The following BBS2 variants were observed in gnomAD, a reference collection of about 807,000 sequenced individuals.
BBS2 encodes the protein Bardet-Biedl syndrome 2.
A neutral mutation model predicts 83.0 loss-of-function variants in BBS2; 62 were observed. The ratio of observed to expected loss-of-function variants is 0.75; its 90% CI spans 0.61 to 0.92. BBS2 has a LOEUF of 0.92. Ranked by LOEUF, BBS2 falls within the 40% of genes least tolerant of loss-of-function variation. BBS2 has a pLI of 0.00. For synonymous variants in BBS2, 303 were observed against 326.1 expected (o/e 0.93, Z 0.76); for missense variants, 784 against 901.0 (o/e 0.87, Z 1.66).
At chr16:56,473,699 C>G (rs1211569412) in intron 17 of BBS2, among the ~76,000 whole-genome samples, 2 of 151,202 alleles carry the variant, frequency 1.3e-5, no homozygotes, top group African/African-American at 4.9e-5. Context: ...CTATTGGTTA[C>G]TTGATTTTTT....
Position 56,514,738 on chromosome 16 carries a change from T to A in BBS2, c.118-58A>T. The A allele has an allele frequency of 3.7e-6, 5 of 1,341,044 alleles. No individual in the cohort carries two copies. In the East Asian group the frequency reaches 1.3e-4, roughly 34 times the overall value. 83.1% of individuals were successfully genotyped at this position (1,341,044 alleles called of 1,614,324 possible). ...AAATATAAAAAATTAGTATCATACA[T>A]TTTTTTAAAAAAGAACCAGGTTATT... On this transcript the variant is annotated intron_variant, in intron 1 of 16. Coordinates refer to ENST00000245157, the MANE Select transcript of BBS2 (RefSeq NM_031885.5).
intron 7 of BBS2, among the ~76,000 whole-genome samples, chr16:56,504,433 T>G (rs1329320994): frequency 1.3e-5 from 2 of 152,244 alleles, no homozygotes; most frequent in Non-Finnish European, 2.9e-5. Flanking sequence ...GGTTTTACCC[T>G]GAAAGGAAAG....
chr16:56,502,215 AC>A, intron 9 of BBS2, 101 bp downstream of exon 9: 1 of 1,514,700 alleles, frequency 6.6e-7, no homozygotes, highest in South Asian at 1.1e-5. Context: ...AAAAGGCCAC[AC>A]CCTGGCAATG....
rs182338300 is a variant in BBS2 at position 56,489,672 on chromosome 16, T to C, written c.1911-3934A>G. 2.0e-4 allele frequency among the ~76,000 whole-genome samples: 31 copies of C among 152,112 alleles called. No individual in the cohort carries two copies. In the East Asian group the frequency reaches 5.0e-3, roughly 25 times the overall value. On this transcript the variant is annotated intron_variant, in intron 15 of 16. Transcript: ENST00000245157. Reference sequence around the variant, plus strand: ...AAAATTAGCTGGGCATGGTGGCGCATGCCTGTAATCCCAGCTACTCGGGAG... The same window carrying C: ...AAAATTAGCTGGGCATGGTGGCGCACGCCTGTAATCCCAGCTACTCGGGAG...
chr16:56,513,166 A>C (rs1373040703), intron 2 of BBS2, among the ~76,000 whole-genome samples: 1 of 152,178 alleles, frequency 6.6e-6, no homozygotes, highest in Admixed American at 6.5e-5. Flanking sequence ...AACAAAAACA[A>C]AAAGAAAGAA....
chr16:56,499,819 T>G lies in BBS2; in HGVS notation c.1486A>C (p.Ile496Leu), dbSNP rs549070573. 6.2e-7 allele frequency: 1 copy of G among 1,614,196 alleles called. No individual in the cohort carries two copies. Among genetic ancestry groups the G allele is most frequent in the South Asian group, 1.1e-5 (1 of 91,080 alleles). The change falls in exon 12 of 17, where the codon ATC becomes CTC. Residue 496 changes from isoleucine (I) to leucine (L), a missense_variant. Physicochemically the swap from Ile to Leu is conservative, Grantham distance 5. Transcript: ENST00000245157. ...LTSLDPASEP[I>L]SYVNFTIAER... is the part of the protein sequence containing the mutation. ...GCAATGGTAAAGTTAACATAACTGA[T>G]TGGCTCACTGGCAGGGTCCAGGCTG... is the stretch of plus-strand genomic sequence containing the variant.
At chr16:56,502,611 A>G (rs541408557) in intron 8 of BBS2, 62 bp downstream of exon 8, 2 of 1,613,086 alleles carry the variant, frequency 1.2e-6, no homozygotes, top group South Asian at 2.2e-5. Context: ...AAATTTCCTG[A>G]TATTTTGACC....
intron 9 of BBS2, 128 bp downstream of exon 9, chr16:56,502,189 A>C (rs1964294432): frequency 7.9e-7 from 1 of 1,268,330 alleles, no homozygotes; most frequent in Non-Finnish European, 1.2e-6. Context: ...ATCCCCTCTC[A>C]ATTCTGACAA....
chr16:56,502,874 A>G (rs1416360287), intron 7 of BBS2, 66 bp from the exon 8 acceptor site: 2 of 1,580,878 alleles, frequency 1.3e-6, no homozygotes, highest in East Asian at 2.3e-5. Context: ...AAATTTAAAA[A>G]TAAAAATCAG....
intron 15 of BBS2, among the ~76,000 whole-genome samples, chr16:56,488,800 T>A (rs1373677162): frequency 6.6e-6 from 1 of 151,582 alleles, no homozygotes; most frequent in African/African-American, 2.4e-5. Context: ...CTGACCCCTA[T>A]CCTGAAGCTA....
At position 56,499,847 on chromosome 16, in the gene BBS2, C is replaced by T. The variant is rs756379392; in HGVS notation, c.1458G>A (p.Leu486=). Residue 486 remains leucine (L), a synonymous_variant, in exon 12 of 17, where the codon CTG becomes CTA. Coordinates refer to ENST00000245157, the MANE Select transcript of BBS2 (RefSeq NM_031885.5). ...GCTCACTGGCAGGGTCCAGGCTGGT[C>T]AGCGCATACATGGAGAATCGAGGGA... ...RQLPRFSMYA[L]TSLDPASEPI... 3.1e-6 allele frequency: 5 copies of T among 1,614,056 alleles called. No individual in the cohort carries two copies. In the Admixed American group the frequency reaches 8.3e-5, roughly 27 times the overall value.
At chr16:56,508,534 C>T (rs1382632625) in intron 5 of BBS2, among the ~76,000 whole-genome samples, 1 of 152,102 alleles carries the variant, frequency 6.6e-6, no homozygotes, top group Non-Finnish European at 1.5e-5. Context: ...AAACCAGCAG[C>T]AAATAAATAT....
chr16:56,506,321 A>G, intron 5 of BBS2, 97 bp from the exon 6 acceptor site: 2 of 919,364 alleles, frequency 2.2e-6, no homozygotes, highest in Non-Finnish European at 3.5e-6. Flanking sequence ...TGTTACAACT[A>G]TGTTAAAATT....
rs779713615 is a variant in BBS2 at position 56,470,629 on chromosome 16, G to A, written c.*67C>T. On this transcript the variant is annotated 3_prime_UTR_variant, in exon 18 of 18. Coordinates refer to the BBS2 transcript ENST00000682047. Reference sequence around the variant, plus strand: ...TTTCTTGGCCCCTTCGGAAGAAGATGAGATGAATGATAAAAAAGAGGCAGA... The same window carrying A: ...TTTCTTGGCCCCTTCGGAAGAAGATAAGATGAATGATAAAAAAGAGGCAGA... The A allele has an allele frequency of 3.1e-6, 5 of 1,614,198 alleles. No individual in the cohort carries two copies. In the South Asian group the frequency reaches 3.3e-5, roughly 11 times the overall value.
chr16:56,501,771 G>C, intron 9 of BBS2: 1 of 470,644 alleles, frequency 2.1e-6, no homozygotes, highest in East Asian at 4.1e-5. Context: ...TTCTTTTAAA[G>C]TAAGCAAACA....
chr16:56,483,811 T>C (rs1214640915), downstream of BBS2, among the ~76,000 whole-genome samples: 1 of 151,708 alleles, frequency 6.6e-6, no homozygotes, highest in African/African-American at 2.4e-5. Context: ...GCAATTCTCC[T>C]GCCTCAGCCT....
chr16:56,474,317 C>CT (rs770427579), intron 17 of BBS2, among the ~76,000 whole-genome samples: 1,578 of 130,042 alleles, frequency 0.012, 28 homozygotes, highest in African/African-American at 0.03. Flanking sequence ...CAAAATTCAA[C>CT]TTTTTTTTTT....
intron 2 of BBS2, among the ~76,000 whole-genome samples, chr16:56,513,607 T>C (rs780140928): frequency 6.6e-6 from 1 of 152,248 alleles, no homozygotes; most frequent in Non-Finnish European, 1.5e-5. Context: ...TTACATATTA[T>C]ATAATTCCAT....
At chr16:56,504,519 C>T (rs1400250655) in intron 7 of BBS2, among the ~76,000 whole-genome samples, 1 of 152,224 alleles carries the variant, frequency 6.6e-6, no homozygotes, top group African/African-American at 2.4e-5. Context: ...AATATTTTCA[C>T]ACCTGTATTC....
Sources: allele counts gnomAD v4.1 joint callset (sites outside exome capture counted in the v4.1 genomes callset), GRCh38; gene constraint gnomAD v4.1.1; transcripts MANE v1.5; gene names NCBI Gene and HGNC (gene_info 2026-07-23, HGNC 2026-07-21).